PRKCE: variants seen among roughly 807,000 people sequenced by gnomAD.
PRKCE encodes the protein protein kinase C epsilon.
PRKCE carries 16 observed loss-of-function variants against 85.4 expected under a neutral mutation model. That is an observed-to-expected ratio of 0.19 (90% confidence interval 0.13 to 0.28). The LOEUF is 0.28. Ranked by LOEUF, PRKCE falls within the 10% of genes least tolerant of loss-of-function variation. PRKCE has a pLI of 1.00. For synonymous variants in PRKCE, 388 were observed against 371.5 expected (o/e 1.04, Z -0.51); for missense variants, 573 against 975.2 (o/e 0.59, Z 5.49).
chr2:45,956,178 A>G (rs1418880407), intron 2 of PRKCE, among the ~76,000 whole-genome samples: 7 of 152,216 alleles, frequency 4.6e-5, no homozygotes, highest in Non-Finnish European at 1.0e-4. Context: ...AGAACTCCGC[A>G]CTTTATAGCT....
At chr2:45,969,923 T>C (rs1429969459) in intron 2 of PRKCE, among the ~76,000 whole-genome samples, 3 of 152,230 alleles carry the variant, frequency 2.0e-5, no homozygotes, top group Admixed American at 1.3e-4. Flanking sequence ...GCTGTCGTTG[T>C]AATGTGATTC....
At chr2:45,667,924 C>T (rs1318973697) in intron 1 of PRKCE, among the ~76,000 whole-genome samples, 4 of 152,162 alleles carry the variant, frequency 2.6e-5, no homozygotes, top group Admixed American at 6.6e-5. Context: ...CTGAACCAGT[C>T]GTGTGACCTT....
chr2:46,084,604 C>A (rs1326204512), intron 10 of PRKCE, among the ~76,000 whole-genome samples: 3 of 151,638 alleles, frequency 2.0e-5, no homozygotes, highest in African/African-American at 7.3e-5. Flanking sequence ...TGTCTGTAAT[C>A]CCAGCTACTC....
At chr2:45,826,054 T>C (rs755184255) in intron 1 of PRKCE, among the ~76,000 whole-genome samples, 1 of 152,098 alleles carries the variant, frequency 6.6e-6, no homozygotes, top group East Asian at 1.9e-4. Context: ...TTGGTGGTGA[T>C]GGTATGGAAG....
At chr2:46,020,262 C>T (rs568981657) in intron 10 of PRKCE, among the ~76,000 whole-genome samples, 32 of 152,220 alleles carry the variant, frequency 2.1e-4, no homozygotes, top group African/African-American at 6.3e-4. Flanking sequence ...AGGATGTACA[C>T]GCACCACCTA....
intron 6 of PRKCE, among the ~76,000 whole-genome samples, chr2:45,997,652 T>C (rs190947546): frequency 1.2e-3 from 187 of 152,300 alleles, no homozygotes; most frequent in Middle Eastern, 0.01. Context: ...GTTCAAGCGA[T>C]TCTCCTGCCT....
chr2:45,827,971 C>A (rs924913063), intron 1 of PRKCE, among the ~76,000 whole-genome samples: 5 of 151,956 alleles, frequency 3.3e-5, no homozygotes, highest in African/African-American at 1.2e-4. Flanking sequence ...ATAAAGAACT[C>A]GAGACAAATA....
At position 46,085,744 on chromosome 2, in the gene PRKCE, T is replaced by G. The variant is rs1474827957; in HGVS notation, c.1438-464T>G. 5.1e-4 allele frequency among the ~76,000 whole-genome samples: 13 copies of G among 25,302 alleles called. 1 individual carries two copies. Among genetic ancestry groups the G allele is most frequent in the Middle Eastern group, 0.019 (1 of 52 alleles). 16.6% of individuals were successfully genotyped at this position (25,302 alleles called of 152,430 possible). A position where few individuals can be genotyped will look rare whatever the true frequency, so the allele number is the denominator to read the frequency against. ...TTACATCTGCAAAATCCGTTTTTTTTTTTTGTTTTTGTTTTTTTTTTTTTT... is the reference window on the plus strand; with the variant it reads ...TTACATCTGCAAAATCCGTTTTTTTGTTTTGTTTTTGTTTTTTTTTTTTTT... On this transcript the variant is annotated intron_variant, in intron 10 of 14. Transcript: ENST00000306156.
chr2:45,997,480 A>T (rs537640949), intron 6 of PRKCE, among the ~76,000 whole-genome samples: 1 of 152,124 alleles, frequency 6.6e-6, no homozygotes, highest in East Asian at 1.9e-4. Context: ...CCTTTGAAGC[A>T]CTGCTTTTGC....
At chr2:45,815,899 C>T (rs1689001952) in intron 1 of PRKCE, among the ~76,000 whole-genome samples, 1 of 152,166 alleles carries the variant, frequency 6.6e-6, no homozygotes, top group African/African-American at 2.4e-5. Context: ...AGTGGGAGCA[C>T]TGGTATCCAT....
intron 1 of PRKCE, among the ~76,000 whole-genome samples, chr2:45,741,863 G>A (rs2104648249): frequency 6.6e-6 from 1 of 152,326 alleles, no homozygotes; most frequent in East Asian, 1.9e-4. Flanking sequence ...GCTACCAGAA[G>A]GCCATGGGTT....
intron 13 of PRKCE, 57 bp downstream of exon 13, chr2:46,151,286 C>CAT: frequency 2.0e-6 from 1 of 502,108 alleles, no homozygotes. Context: ...CCCCTACACA[C>CAT]ACACACACAC....
rs1039096355 is a variant in PRKCE, at chr2:45,984,737, C to T, written c.823+57C>T. 1.4e-5 allele frequency: 22 copies of T among 1,558,598 alleles called. No homozygotes were observed. In the Middle Eastern group the frequency reaches 5.1e-4, roughly 36 times the overall value. On this transcript the variant is annotated intron_variant, in intron 6 of 14. Transcript: ENST00000306156. ...TGCATGTCCCCTTCCTTGCTGCCTG[C>T]CCCCATCCCTGCTTTATAAAAAACC...
At chr2:45,811,833 C>A (rs1688671452) in intron 1 of PRKCE, among the ~76,000 whole-genome samples, 1 of 151,970 alleles carries the variant, frequency 6.6e-6, no homozygotes, top group South Asian at 2.1e-4. Context: ...TATTTTAAAG[C>A]CTTAAAATAT....
intron 1 of PRKCE, among the ~76,000 whole-genome samples, chr2:45,725,028 T>C (rs1428922100): frequency 6.6e-6 from 1 of 152,242 alleles, no homozygotes; most frequent in Non-Finnish European, 1.5e-5. Context: ...AACACTTTCA[T>C]AGCTAAAGAG....
intron 10 of PRKCE, among the ~76,000 whole-genome samples, chr2:46,012,708 C>T (rs764123306): frequency 2.0e-4 from 30 of 152,170 alleles, no homozygotes; most frequent in Admixed American, 6.5e-4. Context: ...TGGGAAGCCA[C>T]GTTGAAGGTC....
intron 1 of PRKCE, among the ~76,000 whole-genome samples, chr2:45,787,440 G>C (rs750498942): frequency 1.6e-4 from 24 of 152,204 alleles, no homozygotes; most frequent in Middle Eastern, 3.2e-3. Context: ...TCTGGGCAAT[G>C]CTGGCCACAG....
chr2:45,726,767 G>T (rs1681109724), intron 1 of PRKCE, among the ~76,000 whole-genome samples: 1 of 152,116 alleles, frequency 6.6e-6, no homozygotes, highest in Admixed American at 6.5e-5. Flanking sequence ...GGAGCCTGTG[G>T]CTACTGATCC....
intron 1 of PRKCE, among the ~76,000 whole-genome samples, chr2:45,734,345 T>C (rs1573116412): frequency 6.8e-6 from 1 of 147,856 alleles, no homozygotes; most frequent in Non-Finnish European, 1.5e-5. Flanking sequence ...ATCCTGGCAA[T>C]AGAGCAAGAC....
Sources: allele counts gnomAD v4.1 joint callset (sites outside exome capture counted in the v4.1 genomes callset), GRCh38; gene constraint gnomAD v4.1.1; transcripts MANE v1.5; gene names NCBI Gene and HGNC (gene_info 2026-07-23, HGNC 2026-07-21).